GP6: variants seen among roughly 807,000 people sequenced by gnomAD.
The protein encoded by GP6 is platelet glycoprotein VI.
A neutral mutation model predicts 37.3 loss-of-function variants in GP6; 45 were observed. That is an observed-to-expected ratio of 1.21 (90% CI 0.95 to 1.55). The LOEUF is 1.55. GP6 is among the 40% of genes most tolerant of loss of function. The probability of loss-of-function intolerance (pLI) is 0.00; values close to 1 mark genes in which losing one functional copy is unlikely to be tolerated. For missense variants in GP6, 813 were observed against 760.2 expected, an observed-to-expected ratio of 1.07 and a Z score of -0.82; for synonymous variants, 340 against 316.4, an observed-to-expected ratio of 1.07 and a Z score of -0.79.
intron 3 of GP6, among the ~76,000 whole-genome samples, chr19:55,031,644 C>T (rs1395139318): frequency 6.6e-6 from 1 of 152,154 alleles, no homozygotes; most frequent in East Asian, 1.9e-4. Flanking sequence ...CAGCCAGATG[C>T]AGTGGCTCAC....
intron 3 of GP6, among the ~76,000 whole-genome samples, chr19:55,029,317 T>C (rs2074430849): frequency 1.0e-3 from 1 of 978 alleles, no homozygotes; most frequent in Non-Finnish European, 2.0e-3. Flanking sequence ...TGCAATGGCA[T>C]ATATATATAT....
rs1419105051 is a variant in GP6 at position 55,014,306 on chromosome 19, G to A, written c.1639C>T (p.Pro547Ser). 1 of 1,529,942 alleles carries A rather than the reference G, an allele frequency of 6.5e-7. No individual in the cohort carries two copies. The highest frequency in any genetic ancestry group is 9.0e-7 in the Non-Finnish European group (1 of 1,105,704). 94.8% of individuals were successfully genotyped at this position (1,529,942 alleles called of 1,614,324 possible). Residue 547 changes from proline (P) to serine (S), a missense_variant, in exon 8 of 8, where the codon CCT becomes TCT. Transcript: ENST00000310373. ...TTTTTGTTTTGTTGGTAGAGATGAG[G>A]TTTCACCATGTTGCACAGGCTGATC...
chr19:55,034,154 G>A (rs916219262), intron 1 of GP6, among the ~76,000 whole-genome samples: 11 of 96,308 alleles, frequency 1.1e-4, no homozygotes, highest in South Asian at 6.6e-4. Flanking sequence ...GTATGCATGT[G>A]TGTGTGTGTG....
chr19:55,030,286 A>C (rs933204592), intron 3 of GP6, among the ~76,000 whole-genome samples: 1 of 152,126 alleles, frequency 6.6e-6, no homozygotes. Context: ...AAAGTGAGCT[A>C]TGATCATGCC....
intron 3 of GP6, among the ~76,000 whole-genome samples, chr19:55,029,315 C>CATATATATATATATAT (rs1207884451): frequency 1.3e-5 from 1 of 75,718 alleles, no homozygotes; most frequent in African/African-American, 5.3e-5. Flanking sequence ...AGTGCAATGG[C>CATATATATATATATAT]ATATATATAT....
intron 5 of GP6, among the ~76,000 whole-genome samples, chr19:55,024,360 A>ATGCACAGACACACG (rs796633674): frequency 7.7e-6 from 1 of 130,572 alleles, no homozygotes; most frequent in Non-Finnish European, 1.7e-5. Context: ...ACGCACACAC[A>ATGCACAGACACACG]CATATGCACG....
intron 2 of GP6, 24 bp downstream of exon 2, chr19:55,032,479 AGGG>A: frequency 6.2e-7 from 1 of 1,613,704 alleles, no homozygotes; most frequent in South Asian, 1.1e-5. Flanking sequence ...ATCCCGCAGG[AGGG>A]AAGGGGTCTG....
chr19:55,013,723 C>A lies in GP6; in HGVS notation c.*359G>T. ...TTTCCTTTTTTAAAACAATTTTTAT[C>A]TTCTTTATTTTAAGTAGAGATGGGG... On this transcript the variant is annotated 3_prime_UTR_variant, in exon 8 of 8. Coordinates refer to ENST00000310373, the MANE Select transcript of GP6 (RefSeq NM_001083899.2). The A allele has an allele frequency of 5.6e-6, 1 of 179,546 alleles. No homozygotes were observed. The highest frequency in any genetic ancestry group is 1.2e-5 in the Non-Finnish European group (1 of 83,738). 11.1% of individuals were successfully genotyped at this position (179,546 alleles called of 1,614,324 possible). A position where few individuals can be genotyped will look rare whatever the true frequency, so the allele number is the denominator to read the frequency against.
chr19:55,022,537 G>C (rs976425544), intron 5 of GP6, among the ~76,000 whole-genome samples: 1 of 152,166 alleles, frequency 6.6e-6, no homozygotes, highest in Admixed American at 6.6e-5. Flanking sequence ...AGAAATAAAG[G>C]ATACTCAAAT....
At chr19:55,035,124 C>A (rs1394985793) in intron 1 of GP6, among the ~76,000 whole-genome samples, 1 of 152,168 alleles carries the variant, frequency 6.6e-6, no homozygotes, top group African/African-American at 2.4e-5. Flanking sequence ...CATTATCAGT[C>A]CCCTCTTATA....
chr19:55,029,796 G>A (rs1185469794), intron 3 of GP6, among the ~76,000 whole-genome samples: 2 of 151,706 alleles, frequency 1.3e-5, no homozygotes, highest in African/African-American at 4.8e-5. Flanking sequence ...TATACTTAGC[G>A]AGAAGAGAGT....
At chr19:55,015,621 A>C in intron 7 of GP6, 62 bp downstream of exon 7, 1 of 970,264 alleles carries the variant, frequency 1.0e-6, no homozygotes, top group Admixed American at 1.7e-5. Flanking sequence ...TAGACAAAGG[A>C]GTTGGCTTTG....
At position 55,038,206 on chromosome 19, in the gene GP6, G is replaced by A. The variant is rs943374802; in HGVS notation, c.31C>T (p.Leu11Phe). 6.3e-6 allele frequency: 10 copies of A among 1,592,138 alleles called. No individual in the cohort carries two copies. The African/African-American group carries it at 8.0e-5, about 13-fold the overall frequency. Residue 11 changes from leucine to phenylalanine, a missense_variant, in exon 1 of 8, where the codon CTT (leucine) becomes TTT (phenylalanine). Leu to Phe is a conservative substitution (Grantham distance 22). Coordinates refer to ENST00000310373, the MANE Select transcript of GP6 (RefSeq NM_001083899.2). ...AGATCTGACCCTCAGGACTCACCAAGACAGAAGAGGGCGGTCGGGGATGGA... is the reference window on the plus strand; with the variant it reads ...AGATCTGACCCTCAGGACTCACCAAAACAGAAGAGGGCGGTCGGGGATGGA...
At position 55,015,743 on chromosome 19, in the gene GP6, A is replaced by T. The variant is rs1250714605; in HGVS notation, c.725-10T>A. The stretch of plus-strand genomic sequence containing the variant: ...ATACTCCTAGAAGTCTCTGGGAACC[A>T]AACAAAGGCTAAGTGTGAAATGAAA... On this transcript the variant is annotated splice_polypyrimidine_tract_variant and intron_variant, in intron 6 of 7. Transcript: ENST00000310373. 1 of 1,490,964 alleles carries T rather than the reference A, an allele frequency of 6.7e-7. No homozygotes were observed. Among genetic ancestry groups the T allele is most frequent in the East Asian group, 2.3e-5 (1 of 44,264 alleles). 92.4% of individuals were successfully genotyped at this position (1,490,964 alleles called of 1,614,324 possible). A position where few individuals can be genotyped will look rare whatever the true frequency, so the allele number is the denominator to read the frequency against.
At chr19:55,023,277 C>T (rs2074148110) in intron 5 of GP6, among the ~76,000 whole-genome samples, 1 of 152,096 alleles carries the variant, frequency 6.6e-6, no homozygotes, top group African/African-American at 2.4e-5. Flanking sequence ...TTTAATACAC[C>T]TTGTTTTGAT....
chr19:55,024,318 ACACACACATATGCACG>A (rs2074209758), intron 5 of GP6, among the ~76,000 whole-genome samples: 1 of 124,046 alleles, frequency 8.1e-6, no homozygotes, highest in African/African-American at 3.7e-5. Context: ...ATATGCACGC[ACACACACATATGCACG>A]CACACACGCA....
chr19:55,014,288 T>G lies in GP6; in HGVS notation c.1657A>C (p.Asn553His). The G allele has an allele frequency of 7.1e-7, 1 of 1,414,386 alleles. No individual in the cohort carries two copies. The highest frequency in any genetic ancestry group is 1.0e-6 in the Non-Finnish European group (1 of 1,002,832). The allele number at this position is 1,414,386 out of a possible 1,614,324, so 87.6% of individuals were successfully genotyped here. The change falls in exon 8 of 8, where the codon AAC becomes CAC. Residue 553 changes from asparagine to histidine, a missense_variant. Asn to His is a moderately conservative substitution (Grantham distance 68). Coordinates refer to ENST00000310373, the MANE Select transcript of GP6 (RefSeq NM_001083899.2). ...CTGGCTAATTTTTGTGTTTTTTTGT[T>G]TTGTTGGTAGAGATGAGGTTTCACC...
intron 5 of GP6, among the ~76,000 whole-genome samples, chr19:55,024,871 C>A (rs866071779): frequency 2.2e-5 from 3 of 134,822 alleles, no homozygotes; most frequent in Non-Finnish European, 3.2e-5. Flanking sequence ...CCGGACTCTA[C>A]AGGTTTGTTG....
intron 1 of GP6, among the ~76,000 whole-genome samples, chr19:55,034,683 G>T (rs1047184632): frequency 1.3e-5 from 2 of 150,806 alleles, no homozygotes; most frequent in African/African-American, 2.4e-5. Context: ...ATTTAACCAG[G>T]CATCCAGTGT....
Sources: allele counts gnomAD v4.1 joint callset (sites outside exome capture counted in the v4.1 genomes callset), GRCh38; gene constraint gnomAD v4.1.1; transcripts MANE v1.5; gene names NCBI Gene and HGNC (gene_info 2026-07-23, HGNC 2026-07-21).